The following PDE4D variants were observed in gnomAD, a reference collection of about 807,000 sequenced individuals.
The protein encoded by PDE4D is 3',5'-cyclic-AMP phosphodiesterase 4D.
A neutral mutation model predicts 87.4 loss-of-function variants in PDE4D; 24 were observed. The ratio of observed to expected loss-of-function variants is 0.27; its 90% CI spans 0.20 to 0.39. The LOEUF is 0.39. Among genes scored for constraint, PDE4D ranks in the 10% least tolerant of loss-of-function variants. PDE4D has a pLI of 1.00. For synonymous variants in PDE4D, 384 were observed against 383.2 expected (o/e 1.00, Z -0.02); for missense variants, 714 against 1,041.0 (o/e 0.69, Z 4.32).
intron 1 of PDE4D, among the ~76,000 whole-genome samples, chr5:60,203,571 T>C (rs1742166032): frequency 6.6e-6 from 1 of 152,264 alleles, no homozygotes; most frequent in Non-Finnish European, 1.5e-5. Context: ...TAATGTAATC[T>C]AATTTTTCTA....
At chr5:59,085,933 G>A (rs1199808281) in intron 5 of PDE4D, among the ~76,000 whole-genome samples, 1 of 152,158 alleles carries the variant, frequency 6.6e-6, no homozygotes, top group Non-Finnish European at 1.5e-5. Context: ...AATGGAGGTT[G>A]GGGTTGTAGA....
chr5:59,621,829 T>C (rs1489006960), intron 1 of PDE4D, among the ~76,000 whole-genome samples: 1 of 152,196 alleles, frequency 6.6e-6, no homozygotes, highest in Non-Finnish European at 1.5e-5. Flanking sequence ...TAAATTAGTC[T>C]GTGCAAGAAT....
At chr5:59,038,303 T>G (rs914650454) in intron 6 of PDE4D, among the ~76,000 whole-genome samples, 1 of 152,122 alleles carries the variant, frequency 6.6e-6, no homozygotes, top group Non-Finnish European at 1.5e-5. Context: ...CTTTCCAAGA[T>G]TAATGGAAAC....
At chr5:59,918,567 C>T (rs1754321594) in intron 3 of PDE4D, among the ~76,000 whole-genome samples, 1 of 152,166 alleles carries the variant, frequency 6.6e-6, no homozygotes. Flanking sequence ...TCCAGTCATA[C>T]TAGCAAACTC....
intron 2 of PDE4D, among the ~76,000 whole-genome samples, chr5:60,133,758 T>C (rs1157862547): frequency 6.6e-6 from 1 of 152,170 alleles, no homozygotes; most frequent in African/African-American, 2.4e-5. Context: ...TATTAAGGCT[T>C]TACATACACA....
intron 1 of PDE4D, among the ~76,000 whole-genome samples, chr5:60,503,277 T>TATA (rs996799439): frequency 2.6e-5 from 4 of 152,178 alleles, no homozygotes; most frequent in Non-Finnish European, 5.9e-5. Flanking sequence ...CAGAATACTC[T>TATA]GTCTATAGAA....
At chr5:59,093,550 T>A (rs957064049) in intron 5 of PDE4D, among the ~76,000 whole-genome samples, 1 of 152,196 alleles carries the variant, frequency 6.6e-6, no homozygotes, top group African/African-American at 2.4e-5. Context: ...TACCCCCTAA[T>A]CATGACCTTG....
intron 5 of PDE4D, among the ~76,000 whole-genome samples, chr5:59,105,878 A>G (rs1418550579): frequency 6.6e-6 from 1 of 152,204 alleles, no homozygotes; most frequent in African/African-American, 2.4e-5. Flanking sequence ...GTGATAGAGA[A>G]TCTCCCCATA....
chr5:59,270,951 A>G lies in PDE4D; in HGVS notation c.456-54983T>C, dbSNP rs563037888. 1.6e-3 allele frequency among the ~76,000 whole-genome samples: 247 copies of G among 152,308 alleles called. 1 individual carries two copies. The highest frequency in any genetic ancestry group is 5.4e-3 in the African/African-American group (223 of 41,572). ...TCCTTCTTTTCAATATTGTAATAAG[A>G]ACTAAATAATATATATGTAAAATTC... On this transcript the variant is annotated intron_variant, in intron 1 of 14. Transcript: ENST00000340635.
chr5:59,263,831 G>A (rs1339293953), intron 1 of PDE4D, among the ~76,000 whole-genome samples: 1 of 151,872 alleles, frequency 6.6e-6, no homozygotes, highest in Non-Finnish European at 1.5e-5. Context: ...GTAGGTGGGG[G>A]CAGGGGCTTA....
At chr5:59,906,158 T>C (rs949495924) in intron 3 of PDE4D, among the ~76,000 whole-genome samples, 5 of 152,104 alleles carry the variant, frequency 3.3e-5, no homozygotes, top group East Asian at 3.8e-4. Flanking sequence ...ATGAGGAAAA[T>C]GTGTCCTCAT....
chr5:59,511,468 A>G (rs1398155878), intron 1 of PDE4D, among the ~76,000 whole-genome samples: 1 of 151,994 alleles, frequency 6.6e-6, no homozygotes, highest in Non-Finnish European at 1.5e-5. Context: ...TGGCTTAAGT[A>G]ATTTTCAAAG....
intron 1 of PDE4D, among the ~76,000 whole-genome samples, chr5:59,345,155 T>C (rs1458476593): frequency 2.6e-5 from 4 of 152,144 alleles, no homozygotes; most frequent in African/African-American, 9.7e-5. Flanking sequence ...GTAAACAAAA[T>C]CTTGAAAAAG....
At chr5:58,996,097 A>G (rs992283676) in intron 6 of PDE4D, among the ~76,000 whole-genome samples, 2 of 152,110 alleles carry the variant, frequency 1.3e-5, no homozygotes, top group Admixed American at 1.3e-4. Context: ...ATGAGAACAC[A>G]TGGACACAGG....
At chr5:59,242,694 G>A (rs1270037121) in intron 1 of PDE4D, among the ~76,000 whole-genome samples, 1 of 152,172 alleles carries the variant, frequency 6.6e-6, no homozygotes, top group South Asian at 2.1e-4. Flanking sequence ...ACTGTGTGCT[G>A]TAGACTGTGT....
intron 1 of PDE4D, among the ~76,000 whole-genome samples, chr5:59,493,148 G>GT (rs1188992229): frequency 6.6e-6 from 1 of 152,034 alleles, no homozygotes; most frequent in African/African-American, 2.4e-5. Flanking sequence ...CAAACTCTGA[G>GT]TTTTTTTATT....
chr5:59,106,864 C>T (rs572434632), intron 5 of PDE4D, among the ~76,000 whole-genome samples: 1 of 152,292 alleles, frequency 6.6e-6, no homozygotes, highest in Admixed American at 6.5e-5. Flanking sequence ...AATGACTGCA[C>T]AGTACAGGGG....
At chr5:59,897,018 G>C (rs1209481639), upstream of PDE4D, among the ~76,000 whole-genome samples, 1 of 152,136 alleles carries the variant, frequency 6.6e-6, no homozygotes, top group Non-Finnish European at 1.5e-5. Flanking sequence ...AGTTTTATGG[G>C]CACAGTCTGA....
At chr5:59,784,996 G>A (rs1037368432) in intron 1 of PDE4D, among the ~76,000 whole-genome samples, 1 of 152,116 alleles carries the variant, frequency 6.6e-6, no homozygotes, top group Non-Finnish European at 1.5e-5. Context: ...CAGTCACGTG[G>A]AACTGTAAGT....
Sources: gnomAD v4.1 joint callset for allele counts (sites outside exome capture counted in the v4.1 genomes callset) on GRCh38, gnomAD v4.1.1 for gene constraint, MANE v1.5 for transcripts, NCBI Gene and HGNC (gene_info 2026-07-23, HGNC 2026-07-21) for gene names.